The following GPATCH2 variants were observed in gnomAD, a reference collection of about 807,000 sequenced individuals.
GPATCH2 encodes the protein G patch domain-containing protein 2.
In GPATCH2, 51 loss-of-function variants were observed where a neutral mutation model predicts 58.0. The ratio of observed to expected loss-of-function variants is 0.88; its 90% CI spans 0.70 to 1.11. The LOEUF is 1.11. Ranked by LOEUF, GPATCH2 falls within the 50% of genes most tolerant of loss-of-function variation. The pLI is 0.00. For missense variants in GPATCH2, 625 were observed against 652.2 expected, an observed-to-expected ratio of 0.96 and a Z score of 0.45; for synonymous variants, 222 against 218.5, an observed-to-expected ratio of 1.02 and a Z score of -0.14.
chr1:217,428,271 T>C lies in GPATCH2; in HGVS notation c.*2874A>G, dbSNP rs754261345. 6.6e-6 allele frequency: 1 copy of C among 152,146 alleles called. No homozygotes were observed. The highest frequency in any genetic ancestry group is 2.4e-5 in the African/African-American group (1 of 41,444). The allele number at this position is 152,146 out of a possible 1,614,324, so 9.4% of individuals were successfully genotyped here. A position where few individuals can be genotyped will look rare whatever the true frequency, so the allele number is the denominator to read the frequency against. On this transcript the variant is annotated 3_prime_UTR_variant, in exon 10 of 10. Transcript: ENST00000366935. ...TTTAGTACAACCAATTAATTTGCTA[T>C]AAGGCTACAGATACTGTAGAAGAGT...
At chr1:217,626,684 C>A (rs1418417357) in intron 1 of GPATCH2, among the ~76,000 whole-genome samples, 2 of 152,068 alleles carry the variant, frequency 1.3e-5, no homozygotes, top group Admixed American at 6.5e-5. Context: ...CTTATCTCAA[C>A]CTAGGAATCT....
intron 5 of GPATCH2, among the ~76,000 whole-genome samples, chr1:217,604,818 G>C (rs1350854372): frequency 6.6e-6 from 1 of 152,146 alleles, no homozygotes; most frequent in Non-Finnish European, 1.5e-5. Flanking sequence ...CTGAGGTTAG[G>C]AGTTCGAGAC....
At chr1:217,617,269 CCCTCTCTA>C (rs1321593230) in intron 2 of GPATCH2, among the ~76,000 whole-genome samples, 2 of 152,144 alleles carry the variant, frequency 1.3e-5, no homozygotes, top group Non-Finnish European at 2.9e-5. Context: ...ACAAGCTGCT[CCCTCTCTA>C]CCTATGAATG....
chr1:217,427,542 TTA>T lies in GPATCH2; in HGVS notation c.*3601_*3602del, dbSNP rs1186261122. On this transcript the variant is annotated 3_prime_UTR_variant, in exon 10 of 10. Transcript: ENST00000366935. ...TACTTATAAATAATGTTCTTAAACA[TTA>T]TGTTTTATTCTTTGATTCTTTGTTG... 5 of 152,226 alleles carry T rather than the reference TTA, an allele frequency of 3.3e-5. No individual in the cohort carries two copies. The South Asian group carries it at 1.0e-3, about 32-fold the overall frequency. The allele number at this position is 152,226 out of a possible 1,614,324, so 9.4% of individuals were successfully genotyped here. A position where few individuals can be genotyped will look rare whatever the true frequency, so the allele number is the denominator to read the frequency against.
At chr1:217,522,496 G>T (rs72747604) in intron 5 of GPATCH2, among the ~76,000 whole-genome samples, 32,724 of 151,916 alleles carry the variant, frequency 0.22, 3,938 homozygotes, top group East Asian at 0.48. Context: ...CTGACCAAAG[G>T]CTTCTTAAAT....
Position 217,514,909 on chromosome 1 carries a change from G to C in GPATCH2, c.1099-20C>G, listed in dbSNP as rs763864319. 4 of 1,216,056 alleles carry C rather than the reference G, an allele frequency of 3.3e-6. No homozygotes were observed. Among genetic ancestry groups the C allele is most frequent in the Non-Finnish European group, 3.6e-6 (3 of 822,164 alleles). 75.3% of individuals were successfully genotyped at this position (1,216,056 alleles called of 1,614,324 possible). ...GGGTACCTACAGGGAGATTTAAAAA[G>C]AAAAAATAAATTTCAGATTTGTTTA... On this transcript the variant is annotated intron_variant, in intron 5 of 9. Coordinates refer to ENST00000366935, the MANE Select transcript of GPATCH2 (RefSeq NM_018040.5).
chr1:217,461,276 G>A (rs1437015687), intron 8 of GPATCH2, among the ~76,000 whole-genome samples: 2 of 152,080 alleles, frequency 1.3e-5, no homozygotes, highest in Admixed American at 1.3e-4. Context: ...CTTATTGGTG[G>A]AATTCAATTG....
At chr1:217,603,121 T>C (rs1432531824) in intron 5 of GPATCH2, among the ~76,000 whole-genome samples, 1 of 152,122 alleles carries the variant, frequency 6.6e-6, no homozygotes, top group Non-Finnish European at 1.5e-5. Context: ...GTAAGCATCA[T>C]TGTGTCTAAT....
rs561514034 is a variant in GPATCH2, at chr1:217,549,697, T to C, written c.1099-34808A>G. On this transcript the variant is annotated intron_variant, in intron 5 of 9. Coordinates refer to ENST00000366935, the MANE Select transcript of GPATCH2 (RefSeq NM_018040.5). ...AGATATATCTACTAAGAACCATGTA[T>C]GAGAAAAAACGAAGAATTGACCAAT... 2.6e-5 allele frequency among the ~76,000 whole-genome samples: 4 copies of C among 152,184 alleles called. No homozygotes were observed. In the South Asian group the frequency reaches 6.2e-4, roughly 24 times the overall value.
chr1:217,618,392 G>C (rs1052471046), intron 2 of GPATCH2, among the ~76,000 whole-genome samples: 2 of 151,854 alleles, frequency 1.3e-5, no homozygotes, highest in African/African-American at 2.4e-5. Flanking sequence ...ATTTTTGCTA[G>C]AGACGGGGTT....
At chr1:217,505,022 C>T (rs1662481419) in intron 6 of GPATCH2, among the ~76,000 whole-genome samples, 1 of 152,166 alleles carries the variant, frequency 6.6e-6, no homozygotes, top group Non-Finnish European at 1.5e-5. Flanking sequence ...CAAGGTTCCA[C>T]ACGGGCTTCA....
chr1:217,453,981 G>A (rs1659796341), intron 8 of GPATCH2, among the ~76,000 whole-genome samples: 2 of 152,170 alleles, frequency 1.3e-5, no homozygotes, highest in South Asian at 4.1e-4. Flanking sequence ...CTCACTGTCA[G>A]TTAGAAAAAT....
rs181118281 is a variant in GPATCH2 at position 217,441,304 on chromosome 1, T to C, written c.1366+7945A>G. On this transcript the variant is annotated intron_variant, in intron 9 of 9. Transcript: ENST00000366935. ...GTGTTGGGAAAACTGGCTAGCCATA[T>C]GCAGAAAACTGAAACTGGACCCCTT... 9.0e-4 allele frequency among the ~76,000 whole-genome samples: 137 copies of C among 152,246 alleles called. 3 individuals are homozygous for C. In the East Asian group the frequency reaches 0.025, roughly 28 times the overall value.
intron 8 of GPATCH2, among the ~76,000 whole-genome samples, chr1:217,460,598 G>A (rs1660159176): frequency 6.6e-6 from 1 of 152,210 alleles, no homozygotes; most frequent in South Asian, 2.1e-4. Flanking sequence ...GTGTCGCTCT[G>A]TAGGCAACTC....
intron 8 of GPATCH2, among the ~76,000 whole-genome samples, chr1:217,484,861 G>A (rs1259941768): frequency 6.6e-6 from 1 of 151,694 alleles, no homozygotes; most frequent in Non-Finnish European, 1.5e-5. Context: ...TTTCTCTGAA[G>A]AACCCTGCCT....
intron 5 of GPATCH2, among the ~76,000 whole-genome samples, chr1:217,518,618 A>G (rs1195317649): frequency 6.6e-6 from 1 of 152,224 alleles, no homozygotes; most frequent in Non-Finnish European, 1.5e-5. Flanking sequence ...GTCACGTAAG[A>G]TTAATACAGA....
intron 5 of GPATCH2, among the ~76,000 whole-genome samples, chr1:217,602,054 G>A (rs1668133061): frequency 1.3e-5 from 2 of 152,084 alleles, no homozygotes; most frequent in South Asian, 4.1e-4. Flanking sequence ...CTGTAGAATA[G>A]GCATGGATCT....
intron 8 of GPATCH2, among the ~76,000 whole-genome samples, chr1:217,473,873 C>A (rs572702683): frequency 1.3e-5 from 2 of 152,098 alleles, no homozygotes; most frequent in East Asian, 1.9e-4. Context: ...ATAAGGACAC[C>A]CCTCAGGAAA....
In GPATCH2 at chr1:217,625,801, G is replaced by T. The variant is rs545465997; in HGVS notation, c.56+5115C>A. ...CATTCAAGACCAGCCTGGCCAACATGGCGAAACTCCATCTCTACTAAAAAA... is the reference window on the plus strand; with the variant it reads ...CATTCAAGACCAGCCTGGCCAACATTGCGAAACTCCATCTCTACTAAAAAA... On this transcript the variant is annotated intron_variant, in intron 1 of 9. Transcript: ENST00000366935. Among the ~76,000 whole-genome samples the T allele has an allele frequency of 4.6e-5, 7 of 152,184 alleles. No individual in the cohort carries two copies. In the South Asian group the frequency reaches 1.5e-3, roughly 32 times the overall value.
Sources: allele counts gnomAD v4.1 joint callset (sites outside exome capture counted in the v4.1 genomes callset), GRCh38; gene constraint gnomAD v4.1.1; transcripts MANE v1.5; gene names NCBI Gene and HGNC (gene_info 2026-07-23, HGNC 2026-07-21).